The following LAMA2 variants were observed in gnomAD, a reference collection of about 807,000 sequenced individuals.
The protein encoded by LAMA2 is laminin subunit alpha-2.
Under a neutral mutation model 364.8 loss-of-function variants are expected in LAMA2, and 269 were observed. The ratio of observed to expected loss-of-function variants is 0.74; its 90% CI spans 0.67 to 0.82. LAMA2 has a LOEUF of 0.82. LAMA2 is among the 40% of genes least tolerant of loss of function. The pLI, the probability that LAMA2 is intolerant of heterozygous loss-of-function variation, is 0.00. For missense variants in LAMA2, 3,807 were observed against 3,873.2 expected, an observed-to-expected ratio of 0.98 and a Z score of 0.45; for synonymous variants, 1,379 against 1,370.6, an observed-to-expected ratio of 1.01 and a Z score of -0.14.
At chr6:128,909,888 G>A (rs372602933) in intron 1 of LAMA2, among the ~76,000 whole-genome samples, 28 of 149,756 alleles carry the variant, frequency 1.9e-4, no homozygotes, top group South Asian at 6.4e-4. Flanking sequence ...TTTCTCCTTC[G>A]CTTATGAAGC....
intron 4 of LAMA2, among the ~76,000 whole-genome samples, chr6:129,105,444 G>T (rs1217394935): frequency 1.3e-5 from 2 of 152,152 alleles, no homozygotes; most frequent in Admixed American, 6.5e-5. Context: ...CTACTCCTGA[G>T]ACCAGAACTT....
At chr6:129,163,935 A>G (rs1266652959) in intron 8 of LAMA2, among the ~76,000 whole-genome samples, 1 of 152,096 alleles carries the variant, frequency 6.6e-6, no homozygotes, top group Admixed American at 6.5e-5. Context: ...TGTTTCCTTT[A>G]TATTCTCGGA....
chr6:129,116,106 A>G (rs1379780465), intron 4 of LAMA2, among the ~76,000 whole-genome samples: 1 of 152,144 alleles, frequency 6.6e-6, no homozygotes, highest in Non-Finnish European at 1.5e-5. Flanking sequence ...TAAGTTGACT[A>G]ATGACATTAT....
chr6:129,278,384 G>C (rs906424781), intron 17 of LAMA2, among the ~76,000 whole-genome samples: 1 of 152,160 alleles, frequency 6.6e-6, no homozygotes. Context: ...CTCAGTAGAT[G>C]ATGAGATAGT....
At chr6:128,958,831 C>T (rs1781304584) in intron 1 of LAMA2, among the ~76,000 whole-genome samples, 1 of 152,096 alleles carries the variant, frequency 6.6e-6, no homozygotes, top group African/African-American at 2.4e-5. Flanking sequence ...TCTATCTCAG[C>T]TGTTTCTTCT....
chr6:129,224,860 A>G (rs987500502), intron 12 of LAMA2, among the ~76,000 whole-genome samples: 156 of 152,206 alleles, frequency 1.0e-3, no homozygotes, highest in African/African-American at 3.4e-3. Context: ...AATGAGTTAG[A>G]GAGGATTCCC....
rs868589134 is a variant in LAMA2 at position 129,331,232 on chromosome 6, C to G, written c.4311+2820C>G. Among the ~76,000 whole-genome samples, 6 of 152,270 alleles carry G rather than the reference C, an allele frequency of 3.9e-5. No individual in the cohort carries two copies. In the Middle Eastern group the frequency reaches 0.014, roughly 345 times the overall value. On this transcript the variant is annotated intron_variant, in intron 29 of 64. Transcript: ENST00000421865. Reference sequence around the variant, plus strand: ...GAAAAAGACAATTGTGCCATCTAATCTCACCTTAAATTCATGATCCCTCTC... The same window carrying G: ...GAAAAAGACAATTGTGCCATCTAATGTCACCTTAAATTCATGATCCCTCTC...
intron 8 of LAMA2, among the ~76,000 whole-genome samples, chr6:129,157,200 AG>A (rs1345640184): frequency 1.3e-5 from 2 of 152,218 alleles, no homozygotes; most frequent in Non-Finnish European, 2.9e-5. Flanking sequence ...TTTTATGAAC[AG>A]GCAATTCAGT....
At chr6:129,334,803 A>G (rs1775853283) in intron 29 of LAMA2, among the ~76,000 whole-genome samples, 1 of 152,090 alleles carries the variant, frequency 6.6e-6, no homozygotes, top group Non-Finnish European at 1.5e-5. Flanking sequence ...AAGGCACTAG[A>G]TAGCTCTCTG....
chr6:129,088,224 A>G (rs1774520044), intron 3 of LAMA2, among the ~76,000 whole-genome samples: 4 of 151,618 alleles, frequency 2.6e-5, no homozygotes. Context: ...AAGGTCATAG[A>G]TCAACAGCAT....
chr6:129,489,451 C>T (rs1403031725), intron 56 of LAMA2, among the ~76,000 whole-genome samples: 5 of 152,174 alleles, frequency 3.3e-5, no homozygotes, highest in Admixed American at 6.5e-5. Flanking sequence ...CTGCTTTGTC[C>T]TCTGATCCTT....
intron 4 of LAMA2, among the ~76,000 whole-genome samples, chr6:129,123,190 C>T (rs551700735): frequency 6.6e-6 from 1 of 151,804 alleles, no homozygotes; most frequent in East Asian, 1.9e-4. Context: ...TCTGTAATCC[C>T]AGCTACTTGG....
intron 12 of LAMA2, among the ~76,000 whole-genome samples, chr6:129,201,802 C>T (rs1388825515): frequency 6.6e-6 from 1 of 152,122 alleles, no homozygotes; most frequent in Non-Finnish European, 1.5e-5. Context: ...TCAATGGAAA[C>T]AGAACCCCAA....
chr6:129,411,462 G>A (rs1327646072), intron 40 of LAMA2, among the ~76,000 whole-genome samples: 1 of 152,156 alleles, frequency 6.6e-6, no homozygotes, highest in East Asian at 1.9e-4. Flanking sequence ...GAAAAGGGGA[G>A]AAGCCTAGAA....
chr6:129,208,554 A>AAGAAAGAAAGAAAGAGAAAGAAAG, intron 12 of LAMA2, among the ~76,000 whole-genome samples: 1 of 135,192 alleles, frequency 7.4e-6, no homozygotes, highest in Non-Finnish European at 1.5e-5. Context: ...AAGGAAGAGA[A>AAGAAAGAAAGAAAGAGAAAGAAAG]AGAAAGAAAG....
At chr6:129,248,370 G>A (rs1445996730) in intron 12 of LAMA2, among the ~76,000 whole-genome samples, 1 of 152,136 alleles carries the variant, frequency 6.6e-6, no homozygotes, top group Non-Finnish European at 1.5e-5. Flanking sequence ...AGTATCATAG[G>A]TGATCTTTTT....
intron 7 of LAMA2, among the ~76,000 whole-genome samples, chr6:129,151,618 G>C (rs1323692275): frequency 6.6e-6 from 1 of 152,130 alleles, no homozygotes; most frequent in African/African-American, 2.4e-5. Flanking sequence ...TGCATGGCTA[G>C]GAGGCCTCAG....
chr6:129,123,796 GTCCTCGAGATCTACT>G (rs1193852293), intron 4 of LAMA2, among the ~76,000 whole-genome samples: 2 of 152,188 alleles, frequency 1.3e-5, no homozygotes, highest in African/African-American at 4.8e-5. Flanking sequence ...GATGAATTAA[GTCCTCGAGATCTACT>G]GTACCGCATA....
Position 129,150,048 on chromosome 6 carries a change from T to C in LAMA2, c.1027+952T>C, listed in dbSNP as rs553595402. On this transcript the variant is annotated intron_variant, in intron 7 of 64. Coordinates refer to ENST00000421865, the MANE Select transcript of LAMA2 (RefSeq NM_000426.4). ...AGTTTGAGATTCTGCATATATGCTATTAGCTCTCCTTATTTTCTGCACTCA... is the reference window on the plus strand; with the variant it reads ...AGTTTGAGATTCTGCATATATGCTACTAGCTCTCCTTATTTTCTGCACTCA... 1.1e-4 allele frequency among the ~76,000 whole-genome samples: 16 copies of C among 152,268 alleles called. No homozygotes were observed. The East Asian group carries it at 2.5e-3, about 24-fold the overall frequency.
Sources: allele counts gnomAD v4.1 joint callset (sites outside exome capture counted in the v4.1 genomes callset), GRCh38; gene constraint gnomAD v4.1.1; transcripts MANE v1.5; gene names NCBI Gene and HGNC (gene_info 2026-07-23, HGNC 2026-07-21).